Variants in SDK1 observed in about 807,000 individuals in gnomAD.
SDK1 encodes the protein sidekick cell adhesion molecule 1.
A neutral mutation model predicts 245.5 loss-of-function variants in SDK1; 157 were observed. That is an observed-to-expected ratio of 0.64 (90% confidence interval 0.56 to 0.73). The LOEUF (loss-of-function observed/expected upper bound fraction) is 0.73. Among genes scored for constraint, SDK1 ranks in the 30% least tolerant of loss-of-function variants. The pLI, the probability that SDK1 is intolerant of heterozygous loss-of-function variation, is 0.00. For missense variants in SDK1, 3,583 were observed against 3,002.3 expected (o/e 1.19, Z -4.52); for synonymous variants, 1,647 against 1,278.5 (o/e 1.29, Z -6.15).
At chr7:4,117,842 C>T (rs1393656024) in intron 25 of SDK1, among the ~76,000 whole-genome samples, 4 of 152,152 alleles carry the variant, frequency 2.6e-5, no homozygotes, top group Admixed American at 6.5e-5. Context: ...AGTTGAGACA[C>T]GGCTCTTGAA....
chr7:3,953,917 G>A (rs762891118), intron 7 of SDK1, among the ~76,000 whole-genome samples: 3 of 152,284 alleles, frequency 2.0e-5, no homozygotes, highest in South Asian at 2.1e-4. Flanking sequence ...GAGAGTGTCT[G>A]TGTCAATTCC....
intron 4 of SDK1, among the ~76,000 whole-genome samples, chr7:3,818,891 A>G (rs1779576056): frequency 6.6e-6 from 1 of 152,210 alleles, no homozygotes; most frequent in African/African-American, 2.4e-5. Context: ...GATGCTGGGA[A>G]TGGGGCCAGC....
At chr7:3,526,722 C>CT (rs1241437905) in intron 1 of SDK1, among the ~76,000 whole-genome samples, 1 of 152,074 alleles carries the variant, frequency 6.6e-6, no homozygotes, top group African/African-American at 2.4e-5. Context: ...ATTTGTGTAT[C>CT]TGTTCTGTTT....
At chr7:3,888,082 A>G (rs1228256713) in intron 5 of SDK1, among the ~76,000 whole-genome samples, 1 of 152,242 alleles carries the variant, frequency 6.6e-6, no homozygotes, top group African/African-American at 2.4e-5. Flanking sequence ...AAGAGTTAGT[A>G]AAGAATTGGG....
intron 5 of SDK1, among the ~76,000 whole-genome samples, chr7:3,856,756 A>G (rs952601012): frequency 6.6e-6 from 1 of 152,160 alleles, no homozygotes; most frequent in Non-Finnish European, 1.5e-5. Flanking sequence ...ACACCACTGC[A>G]CTCTAGCCTG....
At chr7:3,895,422 G>A (rs1781577527) in intron 5 of SDK1, among the ~76,000 whole-genome samples, 1 of 152,198 alleles carries the variant, frequency 6.6e-6, no homozygotes, top group African/African-American at 2.4e-5. Context: ...CGTCTGCTAA[G>A]TAGGGCTTCC....
intron 1 of SDK1, among the ~76,000 whole-genome samples, chr7:3,540,983 G>A (rs1430858180): frequency 6.6e-6 from 1 of 152,164 alleles, no homozygotes; most frequent in African/African-American, 2.4e-5. Context: ...TTTACTGGAG[G>A]AAAGCCCAGT....
At chr7:3,527,892 T>C (rs1179601508) in intron 1 of SDK1, among the ~76,000 whole-genome samples, 1 of 141,334 alleles carries the variant, frequency 7.1e-6, no homozygotes, top group African/African-American at 2.7e-5. Flanking sequence ...GAGTGAATGG[T>C]AGGAGGTAAG....
At chr7:3,462,606 A>G (rs1384020804) in intron 1 of SDK1, among the ~76,000 whole-genome samples, 1 of 152,190 alleles carries the variant, frequency 6.6e-6, no homozygotes, top group African/African-American at 2.4e-5. Flanking sequence ...AACTCGAACT[A>G]GACCAAACTT....
chr7:3,493,816 A>T (rs773523615), intron 1 of SDK1, among the ~76,000 whole-genome samples: 7 of 152,222 alleles, frequency 4.6e-5, no homozygotes, highest in Non-Finnish European at 8.8e-5. Context: ...GACCAGTCTG[A>T]ATCTGTCTCT....
chr7:4,059,970 C>G (rs1177164404), intron 19 of SDK1, among the ~76,000 whole-genome samples: 2 of 151,604 alleles, frequency 1.3e-5, no homozygotes, highest in African/African-American at 2.4e-5. Flanking sequence ...AGCTCCGCCT[C>G]CCAGGTTCAC....
At position 4,145,896 on chromosome 7, in the gene SDK1, T is replaced by C; in HGVS notation, c.4403T>C (p.Val1468Ala). The C allele has an allele frequency of 1.3e-6, 2 of 1,581,272 alleles. No individual in the cohort carries two copies. The highest frequency in any genetic ancestry group is 1.7e-6 in the Non-Finnish European group (2 of 1,163,938). Reference protein sequence around the residue: ...QGWGEPLEATVITTEKRERPA... With the variant: ...QGWGEPLEATAITTEKRERPA... ...TGGGGGGAGCCACTGGAGGCCACCG[T>C]CATCACCACCGAGAAGAGAGGTAAG... The change falls in exon 29 of 45, where the codon GTC (valine) becomes GCC (alanine). Residue 1468 changes from valine (V) to alanine (A), a missense_variant. Val to Ala is a moderately conservative substitution (Grantham distance 64). Coordinates refer to ENST00000404826, the MANE Select transcript of SDK1 (RefSeq NM_152744.4).
rs73671834 is a variant in SDK1 at position 3,465,422 on chromosome 7, T to G, written c.299-153658T>G. Among the ~76,000 whole-genome samples, 773 of 152,300 alleles carry G rather than the reference T, an allele frequency of 5.1e-3. 6 individuals carry two copies. The highest frequency in any genetic ancestry group is 0.018 in the African/African-American group (741 of 41,558). On this transcript the variant is annotated intron_variant, in intron 1 of 44. Transcript: ENST00000404826. ...TGAGTAACGTCAGCATAATTTGAGA[T>G]TTTGGCAATGGAAGACTGAAGTTGA...
chr7:3,630,943 T>C (rs1562616283), intron 2 of SDK1, among the ~76,000 whole-genome samples: 1 of 152,140 alleles, frequency 6.6e-6, no homozygotes, highest in Non-Finnish European at 1.5e-5. Flanking sequence ...CAAGATTTTT[T>C]TTTGTTTTTG....
intron 5 of SDK1, among the ~76,000 whole-genome samples, chr7:3,911,826 A>G (rs1171155554): frequency 6.6e-6 from 1 of 152,166 alleles, no homozygotes; most frequent in Non-Finnish European, 1.5e-5. Context: ...GGGAAATTAT[A>G]AATTTCCCTC....
chr7:3,849,906 C>G (rs1170888394), intron 5 of SDK1, among the ~76,000 whole-genome samples: 4 of 152,136 alleles, frequency 2.6e-5, no homozygotes, highest in Admixed American at 1.3e-4. Flanking sequence ...CTTGGCCTCA[C>G]AATAAAATAT....
rs535622068 is a variant in SDK1, at chr7:3,723,820, A to T, written c.713+81715A>T. Among the ~76,000 whole-genome samples the T allele has an allele frequency of 2.5e-3, 353 of 138,810 alleles. 1 individual carries two copies. The highest frequency in any genetic ancestry group is 0.01 in the African/African-American group (331 of 32,484). 91.1% of individuals were successfully genotyped at this position (138,810 alleles called of 152,430 possible). A position where few individuals can be genotyped will look rare whatever the true frequency, so the allele number is the denominator to read the frequency against. On this transcript the variant is annotated intron_variant, in intron 4 of 44. Coordinates refer to ENST00000404826, the MANE Select transcript of SDK1 (RefSeq NM_152744.4). ...CATATACACGTGTATATACACGTACATATACATATACACGTGTATATACAC... is the reference window on the plus strand; with the variant it reads ...CATATACACGTGTATATACACGTACTTATACATATACACGTGTATATACAC...
intron 1 of SDK1, among the ~76,000 whole-genome samples, chr7:3,520,936 T>C (rs1234748123): frequency 6.6e-6 from 1 of 152,228 alleles, no homozygotes; most frequent in African/African-American, 2.4e-5. Context: ...TTGTAGGTCA[T>C]AAGTCTAGGT....
Position 3,310,015 on chromosome 7 carries a change from G to A in SDK1, c.298+8131G>A, listed in dbSNP as rs1779513032. ...TAATTAGGAGAATTTCTTTACATTT[G>A]GCAAGTTTAGTATTCACTTCCACCT... On this transcript the variant is annotated intron_variant, in intron 1 of 44. Transcript: ENST00000404826. 2.6e-5 allele frequency among the ~76,000 whole-genome samples: 4 copies of A among 152,236 alleles called. No individual in the cohort carries two copies. In the South Asian group the frequency reaches 6.2e-4, roughly 24 times the overall value.
Sources: gnomAD v4.1 joint callset for allele counts (sites outside exome capture counted in the v4.1 genomes callset) on GRCh38, gnomAD v4.1.1 for gene constraint, MANE v1.5 for transcripts, NCBI Gene and HGNC (gene_info 2026-07-23, HGNC 2026-07-21) for gene names.